The following ALKBH8 variants were observed in gnomAD, a reference collection of about 807,000 sequenced individuals.
ALKBH8 encodes the protein alkB homolog 8, tRNA methyltransferase.
Under a neutral mutation model 59.8 loss-of-function variants are expected in ALKBH8, and 36 were observed. The ratio of observed to expected loss-of-function variants is 0.60; its 90% confidence interval spans 0.46 to 0.79. The LOEUF is 0.79. Among genes scored for constraint, ALKBH8 ranks in the 30% least tolerant of loss-of-function variants. The probability of loss-of-function intolerance (pLI) is 0.00; values close to 1 mark genes in which losing one functional copy is unlikely to be tolerated. For synonymous variants in ALKBH8, 276 were observed against 273.6 expected (o/e 1.01, Z -0.09); for missense variants, 768 against 801.0 (o/e 0.96, Z 0.50).
At chr11:107,507,656 A>C (rs1862446524) in intron 11 of ALKBH8, among the ~76,000 whole-genome samples, 1 of 152,166 alleles carries the variant, frequency 6.6e-6, no homozygotes. Context: ...GAAATCACTA[A>C]AAATGTTTGT....
At chr11:107,518,097 T>A (rs903944105) in intron 10 of ALKBH8, among the ~76,000 whole-genome samples, 93 of 152,266 alleles carry the variant, frequency 6.1e-4, no homozygotes, top group Middle Eastern at 6.8e-3. Context: ...AAAAATACTG[T>A]ATTATAAAAT....
intron 3 of ALKBH8, 42 bp downstream of exon 3, chr11:107,556,724 C>T (rs761278457): frequency 1.5e-6 from 2 of 1,292,312 alleles, no homozygotes; most frequent in Non-Finnish European, 2.0e-6. Context: ...AAAGAAAACA[C>T]CCAGAAGAAT....
At chr11:107,542,825 G>A (rs1223788876) in intron 7 of ALKBH8, among the ~76,000 whole-genome samples, 2 of 152,160 alleles carry the variant, frequency 1.3e-5, no homozygotes, top group African/African-American at 2.4e-5. Context: ...TGGGAGGGTT[G>A]CTTGAGACTG....
intron 2 of ALKBH8, among the ~76,000 whole-genome samples, chr11:107,557,598 T>C (rs1864770942): frequency 6.6e-6 from 1 of 152,182 alleles, no homozygotes; most frequent in East Asian, 1.9e-4. Context: ...AAGGTACTAT[T>C]ACCTCAAAGA....
At chr11:107,563,443 G>A (rs1865013736) in intron 1 of ALKBH8, 1 of 152,098 alleles carries the variant, frequency 6.6e-6, no homozygotes, top group African/African-American at 2.4e-5. Flanking sequence ...TGGTTATATA[G>A]CTCTGTGTTC....
At chr11:107,512,153 TGTA>T (rs953775365) in intron 10 of ALKBH8, among the ~76,000 whole-genome samples, 2 of 152,048 alleles carry the variant, frequency 1.3e-5, no homozygotes, top group African/African-American at 4.8e-5. Context: ...GTTTTGTTGT[TGTA>T]GTTGTTGTAC....
rs1306495132 is a variant in ALKBH8, at chr11:107,553,107, C to A, written c.595+1G>T. ...TTTATTATGTATTAGCAATTACTTA[C>A]CCCCAGATAATGGCTTATCTTTATC... On this transcript the variant is annotated splice_donor_variant, in intron 5 of 11. Coordinates refer to ENST00000428149, the MANE Select transcript of ALKBH8 (RefSeq NM_138775.3). LOFTEE classifies it high-confidence loss of function. The A allele has an allele frequency of 1.3e-6, 2 of 1,565,782 alleles. No homozygotes were observed. The highest frequency in any genetic ancestry group is 1.2e-5 in the South Asian group (1 of 86,322).
intron 11 of ALKBH8, among the ~76,000 whole-genome samples, chr11:107,506,791 C>T (rs944510866): frequency 6.6e-6 from 1 of 152,074 alleles, no homozygotes; most frequent in African/African-American, 2.4e-5. Flanking sequence ...GAAAACAGCA[C>T]AGAGAACTCT....
intron 8 of ALKBH8, among the ~76,000 whole-genome samples, chr11:107,528,526 A>G (rs2135516011): frequency 6.6e-6 from 1 of 152,324 alleles, no homozygotes; most frequent in East Asian, 1.9e-4. Flanking sequence ...GGTAGTGAAC[A>G]AAGTCAAGGT....
chr11:107,520,221 T>G (rs1288852009), intron 10 of ALKBH8, among the ~76,000 whole-genome samples: 1 of 152,208 alleles, frequency 6.6e-6, no homozygotes, highest in Non-Finnish European at 1.5e-5. Context: ...TTCTACCATG[T>G]GCCAAGTACC....
intron 2 of ALKBH8, among the ~76,000 whole-genome samples, chr11:107,559,245 G>C (rs543340387): frequency 6.6e-6 from 1 of 152,040 alleles, no homozygotes; most frequent in East Asian, 1.9e-4. Flanking sequence ...ACCCAGTCTC[G>C]GGTATGTCTT....
At chr11:107,524,714 T>C (rs934569503) in intron 9 of ALKBH8, among the ~76,000 whole-genome samples, 7 of 152,328 alleles carry the variant, frequency 4.6e-5, no homozygotes, top group South Asian at 2.1e-4. Context: ...CATAACATTT[T>C]GTAGATATAG....
At chr11:107,508,706 T>C (rs976889443) in intron 11 of ALKBH8, among the ~76,000 whole-genome samples, 2 of 152,210 alleles carry the variant, frequency 1.3e-5, no homozygotes, top group African/African-American at 4.8e-5. Flanking sequence ...ACTGTTCCAC[T>C]TTCTGTCTCT....
At chr11:107,505,691 G>A (rs1174900363) in intron 11 of ALKBH8, among the ~76,000 whole-genome samples, 1 of 152,230 alleles carries the variant, frequency 6.6e-6, no homozygotes. Flanking sequence ...AGCTGCTTAA[G>A]GCACTGGAGA....
At chr11:107,518,866 A>ATC (rs1862985839) in intron 10 of ALKBH8, among the ~76,000 whole-genome samples, 1 of 151,780 alleles carries the variant, frequency 6.6e-6, no homozygotes, top group Non-Finnish European at 1.5e-5. Context: ...CCCACTTCAC[A>ATC]CCTCTATATT....
intron 8 of ALKBH8, among the ~76,000 whole-genome samples, chr11:107,527,564 C>A (rs1863405876): frequency 6.6e-6 from 1 of 151,934 alleles, no homozygotes; most frequent in Non-Finnish European, 1.5e-5. Flanking sequence ...TAAACAACAT[C>A]TCAATAAATT....
intron 10 of ALKBH8, among the ~76,000 whole-genome samples, chr11:107,521,186 C>A (rs1863094846): frequency 6.6e-6 from 1 of 152,122 alleles, no homozygotes; most frequent in South Asian, 2.1e-4. Flanking sequence ...ATTCTTTGTA[C>A]TTCCTCAGTA....
At chr11:107,506,750 T>C (rs1187062181) in intron 11 of ALKBH8, among the ~76,000 whole-genome samples, 1 of 152,166 alleles carries the variant, frequency 6.6e-6, no homozygotes, top group Non-Finnish European at 1.5e-5. Context: ...AGGTTTCAGA[T>C]ACACACAAGC....
chr11:107,555,345 C>T (rs1315053978), intron 3 of ALKBH8, among the ~76,000 whole-genome samples: 1 of 152,120 alleles, frequency 6.6e-6, no homozygotes. Context: ...ATTGCCAGAG[C>T]CTTAAAAGTA....
Sources: allele counts gnomAD v4.1 joint callset (sites outside exome capture counted in the v4.1 genomes callset), GRCh38; gene constraint gnomAD v4.1.1; transcripts MANE v1.5; gene names NCBI Gene and HGNC (gene_info 2026-07-23, HGNC 2026-07-21).